GRID1: variants seen among roughly 807,000 people sequenced by gnomAD.
GRID1 encodes the protein glutamate receptor ionotropic, delta-1.
GRID1 carries 28 observed loss-of-function variants against 98.0 expected under a neutral mutation model. The observed-to-expected ratio is 0.29, with a 90% CI of 0.21 to 0.39. GRID1 has a LOEUF of 0.39. GRID1 is among the 10% of genes least tolerant of loss of function. GRID1 has a pLI of 1.00. For missense variants in GRID1, 1,111 were observed against 1,340.5 expected (o/e 0.83, Z 2.67); for synonymous variants, 553 against 538.5 (o/e 1.03, Z -0.37).
intron 13 of GRID1, among the ~76,000 whole-genome samples, chr10:85,631,999 A>G (rs1034424917): frequency 2.5e-4 from 30 of 118,176 alleles, no homozygotes; most frequent in Non-Finnish European, 2.8e-4. Context: ...ACACACACAC[A>G]CACACACACA....
chr10:85,770,442 C>T (rs748220566), intron 8 of GRID1, among the ~76,000 whole-genome samples: 37 of 152,228 alleles, frequency 2.4e-4, no homozygotes, highest in Non-Finnish European at 1.9e-4. Flanking sequence ...AGGAATGCAG[C>T]TCCTCATGAG....
intron 15 of GRID1, among the ~76,000 whole-genome samples, chr10:85,612,234 G>A (rs968783143): frequency 2.6e-5 from 4 of 152,124 alleles, no homozygotes; most frequent in Non-Finnish European, 5.9e-5. Flanking sequence ...GATGTGGCCA[G>A]ACACCCAGGC....
intron 4 of GRID1, among the ~76,000 whole-genome samples, chr10:86,086,233 C>G (rs1042531830): frequency 1.3e-5 from 2 of 152,200 alleles, no homozygotes; most frequent in Non-Finnish European, 2.9e-5. Context: ...TCTGTTTATT[C>G]ATTTACTGTC....
At chr10:85,743,954 A>T (rs1243209952) in intron 8 of GRID1, among the ~76,000 whole-genome samples, 1 of 152,212 alleles carries the variant, frequency 6.6e-6, no homozygotes, top group Non-Finnish European at 1.5e-5. Context: ...GAATTTAAAT[A>T]AAGTATATAG....
chr10:85,736,330 GA>G (rs1311901624), intron 8 of GRID1, among the ~76,000 whole-genome samples: 1 of 151,610 alleles, frequency 6.6e-6, no homozygotes, highest in East Asian at 1.9e-4. Context: ...AGGAAGGAAG[GA>G]AAAAAGGAAG....
intron 8 of GRID1, among the ~76,000 whole-genome samples, chr10:85,832,585 T>C (rs1482234049): frequency 1.3e-5 from 2 of 152,166 alleles, no homozygotes; most frequent in Admixed American, 6.5e-5. Context: ...TTCTCTGCTA[T>C]GTACAACTAC....
intron 8 of GRID1, among the ~76,000 whole-genome samples, chr10:85,748,203 A>G (rs1311217175): frequency 6.6e-6 from 1 of 152,184 alleles, no homozygotes; most frequent in Admixed American, 6.5e-5. Flanking sequence ...AACTGAACTG[A>G]AAGAAATGGA....
chr10:85,940,120 C>T, intron 4 of GRID1, among the ~76,000 whole-genome samples: 1 of 149,952 alleles, frequency 6.7e-6, no homozygotes, highest in East Asian at 2.0e-4. Context: ...GGGCAGGGGG[C>T]ATTGTTCTGC....
At chr10:85,650,315 C>T (rs1006876565) in intron 12 of GRID1, 6 of 152,290 alleles carry the variant, frequency 3.9e-5, no homozygotes, top group South Asian at 2.1e-4. Flanking sequence ...TCAGCACACT[C>T]AATTTAGAAC....
At chr10:85,992,562 G>A (rs1842693515) in intron 4 of GRID1, among the ~76,000 whole-genome samples, 1 of 150,422 alleles carries the variant, frequency 6.6e-6, no homozygotes, top group East Asian at 2.0e-4. Context: ...GAGCCAGAGT[G>A]TTCAGGGAAT....
At chr10:86,355,143 A>G (rs1031472612) in intron 2 of GRID1, among the ~76,000 whole-genome samples, 3 of 152,184 alleles carry the variant, frequency 2.0e-5, no homozygotes, top group African/African-American at 7.2e-5. Flanking sequence ...CATTTCCTCA[A>G]CTGATCCTCT....
chr10:86,311,272 A>G (rs1847828375), intron 2 of GRID1, among the ~76,000 whole-genome samples: 1 of 152,176 alleles, frequency 6.6e-6, no homozygotes, highest in Non-Finnish European at 1.5e-5. Context: ...AGACTGTCAG[A>G]CGTGAAAGGC....
intron 4 of GRID1, among the ~76,000 whole-genome samples, chr10:86,055,579 C>T (rs967466828): frequency 6.6e-6 from 1 of 152,022 alleles, no homozygotes; most frequent in Non-Finnish European, 1.5e-5. Context: ...CCTGTCTCTA[C>T]AAAAAATACA....
At chr10:86,087,268 C>A (rs114078382) in intron 4 of GRID1, among the ~76,000 whole-genome samples, 1 of 151,692 alleles carries the variant, frequency 6.6e-6, no homozygotes, top group African/African-American at 2.4e-5. Context: ...TGTGTCTGAG[C>A]ATCTATGTGT....
rs74337988 is a variant in GRID1, at chr10:86,124,421, C to T, written c.726+14398G>A. Reference sequence around the variant, plus strand: ...CCAGCCTCAGGACCACATGACATTCCAGATGCCACAATCTCTCTGCAGCAG... The same window carrying T: ...CCAGCCTCAGGACCACATGACATTCTAGATGCCACAATCTCTCTGCAGCAG... On this transcript the variant is annotated intron_variant, in intron 4 of 15. Coordinates refer to ENST00000327946, the MANE Select transcript of GRID1 (RefSeq NM_017551.3). Among the ~76,000 whole-genome samples the T allele has an allele frequency of 8.9e-3, 1,363 of 152,298 alleles. 7 individuals carry two copies. Among genetic ancestry groups the T allele is most frequent in the Non-Finnish European group, 0.014 (973 of 68,032 alleles).
At chr10:86,133,781 C>T (rs993504578) in intron 4 of GRID1, among the ~76,000 whole-genome samples, 3 of 152,342 alleles carry the variant, frequency 2.0e-5, no homozygotes, top group East Asian at 3.9e-4. Context: ...ACAGGCAGCA[C>T]GTTCTAGTTA....
chr10:86,165,502 G>A (rs1483705926), intron 3 of GRID1, among the ~76,000 whole-genome samples: 2 of 152,222 alleles, frequency 1.3e-5, no homozygotes, highest in Admixed American at 6.5e-5. Flanking sequence ...AAGAGGGGAG[G>A]TGTTGAGCCA....
At position 85,953,668 on chromosome 10, in the gene GRID1, C is replaced by T. The variant is rs373099424; in HGVS notation, c.727-37429G>A. On this transcript the variant is annotated intron_variant, in intron 4 of 15. Coordinates refer to ENST00000327946, the MANE Select transcript of GRID1 (RefSeq NM_017551.3). Reference sequence around the variant, plus strand: ...CTCAATTGCAAACCCCTCTCTGCTGCTTCAGCCTATGAGGCGTTAAGTGCT... The same window carrying T: ...CTCAATTGCAAACCCCTCTCTGCTGTTTCAGCCTATGAGGCGTTAAGTGCT... 1.7e-4 allele frequency among the ~76,000 whole-genome samples: 26 copies of T among 152,326 alleles called. 1 individual carries two copies. In the South Asian group the frequency reaches 5.2e-3, roughly 30 times the overall value.
chr10:86,333,908 A>G (rs1848186316), intron 2 of GRID1, among the ~76,000 whole-genome samples: 1 of 152,114 alleles, frequency 6.6e-6, no homozygotes, highest in Non-Finnish European at 1.5e-5. Context: ...GTGTAAATGG[A>G]CCTACACAGT....
Sources: allele counts gnomAD v4.1 joint callset (sites outside exome capture counted in the v4.1 genomes callset), GRCh38; gene constraint gnomAD v4.1.1; transcripts MANE v1.5; gene names NCBI Gene and HGNC (gene_info 2026-07-23, HGNC 2026-07-21).